TMEM217: variants seen among roughly 807,000 people sequenced by gnomAD.
TMEM217 encodes transmembrane protein 217.
For missense variants in TMEM217, 204 were observed against 248.8 expected, an observed-to-expected ratio of 0.82 and a Z score of 1.21; for synonymous variants, 76 against 88.3, an observed-to-expected ratio of 0.86 and a Z score of 0.78.
chr6:37,215,162 A>G (rs1763114331), downstream of TMEM217: 1 of 1,605,786 alleles, frequency 6.2e-7, no homozygotes, highest in Non-Finnish European at 8.5e-7. Context: ...CCGCTAGCCA[A>G]GGTCCTCTGG....
downstream of TMEM217, among the ~76,000 whole-genome samples, chr6:37,215,525 C>T (rs964231997): frequency 1.7e-5 from 2 of 118,954 alleles, no homozygotes; most frequent in Non-Finnish European, 3.2e-5. Flanking sequence ...GAGCTGATAT[C>T]ACACCACTGT....
At chr6:37,225,305 T>C (rs894007289) in intron 1 of TMEM217, among the ~76,000 whole-genome samples, 2 of 152,124 alleles carry the variant, frequency 1.3e-5, no homozygotes, top group East Asian at 1.9e-4. Flanking sequence ...CAGGGGCACA[T>C]AGATAATTAT....
chr6:37,215,632 G>A (rs1232402070), downstream of TMEM217, among the ~76,000 whole-genome samples: 5 of 146,912 alleles, frequency 3.4e-5, no homozygotes, highest in African/African-American at 5.1e-5. Context: ...ACAATGCAAC[G>A]TGATAAATGT....
intron 1 of TMEM217, among the ~76,000 whole-genome samples, chr6:37,248,067 C>G (rs1765193476): frequency 6.6e-6 from 1 of 152,136 alleles, no homozygotes; most frequent in South Asian, 2.1e-4. Context: ...TTTTCCCTGC[C>G]TCTTTACCTA....
At chr6:37,245,778 C>A (rs1765036286) in intron 1 of TMEM217, among the ~76,000 whole-genome samples, 1 of 145,408 alleles carries the variant, frequency 6.9e-6, no homozygotes, top group African/African-American at 2.6e-5. Flanking sequence ...CTCTCATTTT[C>A]TTTTCTTTTC....
intron 1 of TMEM217, among the ~76,000 whole-genome samples, chr6:37,252,499 C>CAT (rs58540243): frequency 0.032 from 4,778 of 150,750 alleles, 240 homozygotes; most frequent in African/African-American, 0.11. Context: ...TACATGTATG[C>CAT]ATATATATAT....
chr6:37,230,119 C>G (rs1273830970), intron 1 of TMEM217, among the ~76,000 whole-genome samples: 1 of 152,218 alleles, frequency 6.6e-6, no homozygotes, highest in Admixed American at 6.5e-5. Flanking sequence ...CCTGAGCTCT[C>G]AGAGCCAGCA....
At chr6:37,232,530 A>G (rs1464754801) in intron 1 of TMEM217, among the ~76,000 whole-genome samples, 5 of 151,984 alleles carry the variant, frequency 3.3e-5, no homozygotes, top group Non-Finnish European at 7.4e-5. Flanking sequence ...TTTATACCCT[A>G]TTAATGGTCA....
At chr6:37,256,847 A>G (rs1437620649) in intron 1 of TMEM217, among the ~76,000 whole-genome samples, 1 of 152,170 alleles carries the variant, frequency 6.6e-6, no homozygotes, top group Non-Finnish European at 1.5e-5. Flanking sequence ...CCAAATCACC[A>G]CGGAATACAA....
rs953423920 is a variant in TMEM217 at position 37,229,339 on chromosome 6, T to TTTTG, written c.-11-10299_-11-10298insCAAA. On this transcript the variant is annotated intron_variant, in intron 1 of 1. Coordinates refer to ENST00000357219, the Ensembl canonical transcript of TMEM217. ...TCGTCTCCCTAGCAACTTTCAGTTT[T>TTTTG]TTTTTTTTTTTTTTTTTTTTTGAGA... 1.9e-4 allele frequency among the ~76,000 whole-genome samples: 23 copies of TTTTG among 122,236 alleles called. 2 individuals carry two copies. Among genetic ancestry groups the TTTTG allele is most frequent in the Admixed American group, 1.2e-3 (15 of 12,036 alleles). 80.2% of individuals were successfully genotyped at this position (122,236 alleles called of 152,430 possible).
chr6:37,243,762 C>G (rs1764915428), intron 1 of TMEM217, among the ~76,000 whole-genome samples: 2 of 152,150 alleles, frequency 1.3e-5, no homozygotes, highest in African/African-American at 4.8e-5. Flanking sequence ...CCACACCTGG[C>G]TAGGGTTTTT....
chr6:37,254,381 C>T (rs1327533640), intron 1 of TMEM217, among the ~76,000 whole-genome samples: 3 of 152,166 alleles, frequency 2.0e-5, no homozygotes, highest in Admixed American at 2.0e-4. Context: ...GCTGCCATAC[C>T]TATCAGCCCT....
At chr6:37,223,567 G>A (rs1763656220) in intron 1 of TMEM217, among the ~76,000 whole-genome samples, 1 of 152,268 alleles carries the variant, frequency 6.6e-6, no homozygotes, top group East Asian at 1.9e-4. Context: ...GGAGTACAGT[G>A]GCGTGATCTC....
chr6:37,250,674 A>C (rs1765349238), intron 1 of TMEM217, among the ~76,000 whole-genome samples: 1 of 152,240 alleles, frequency 6.6e-6, no homozygotes, highest in African/African-American at 2.4e-5. Flanking sequence ...CATCACAACC[A>C]AGTATCTCTC....
intron 1 of TMEM217, among the ~76,000 whole-genome samples, chr6:37,252,633 ATATATTTTTTTTTTTTT>A (rs1765494559): frequency 1.3e-5 from 1 of 75,278 alleles, no homozygotes; most frequent in Non-Finnish European, 2.5e-5. Context: ...ATATATATAT[ATATATTTTTTTTTTTTT>A]TTTTTTTTTG....
At position 37,220,078 on chromosome 6, in the gene TMEM217, A is replaced by C. The variant is rs557947580; in HGVS notation, c.-11-1037T>G. Among the ~76,000 whole-genome samples, 5 of 152,370 alleles carry C rather than the reference A, an allele frequency of 3.3e-5. No homozygotes were observed. The South Asian group carries it at 1.0e-3, about 32-fold the overall frequency. On this transcript the variant is annotated intron_variant, in intron 1 of 1. Transcript: ENST00000357219. The stretch of plus-strand genomic sequence containing the variant: ...AGAAGTTAGAGGGAAAATAAGAACT[A>C]TACAAAAGTAGGAGGAAGAAAATAA...
chr6:37,238,811 C>G (rs942605401), intron 1 of TMEM217, among the ~76,000 whole-genome samples: 10 of 152,184 alleles, frequency 6.6e-5, no homozygotes, highest in African/African-American at 1.9e-4. Flanking sequence ...GAGTATTCTT[C>G]TAAGTATTGA....
Position 37,252,279 on chromosome 6 carries a change from G to A in TMEM217, c.-12+5289C>T, listed in dbSNP as rs540206930. Among the ~76,000 whole-genome samples, 268 of 152,174 alleles carry A rather than the reference G, an allele frequency of 1.8e-3. 1 individual carries two copies. The highest frequency in any genetic ancestry group is 1.9e-3 in the Non-Finnish European group (131 of 68,018). Reference sequence around the variant, plus strand: ...AACATAAAGTTCAAATTTCAATGTGGATAAAATAAGTTTTATTATTACACA... The same window carrying A: ...AACATAAAGTTCAAATTTCAATGTGAATAAAATAAGTTTTATTATTACACA... On this transcript the variant is annotated intron_variant, in intron 1 of 1. Transcript: ENST00000357219.
At chr6:37,212,685 A>C (rs1420907065), downstream of TMEM217, 1 of 614,318 alleles carries the variant, frequency 1.6e-6, no homozygotes, top group Non-Finnish European at 3.1e-6. Flanking sequence ...TGAGCTCGTA[A>C]GTGATGATCC....
Sources: allele counts gnomAD v4.1 joint callset (sites outside exome capture counted in the v4.1 genomes callset), GRCh38; gene constraint gnomAD v4.1.1; transcripts MANE v1.5; gene names NCBI Gene and HGNC (gene_info 2026-07-23, HGNC 2026-07-21).